Variants in MOK observed in about 807,000 individuals in gnomAD.
MOK encodes MOK protein kinase.
A neutral mutation model predicts 54.2 loss-of-function variants in MOK; 59 were observed. The observed-to-expected ratio is 1.09, with a 90% confidence interval of 0.88 to 1.35. The LOEUF (loss-of-function observed/expected upper bound fraction) is 1.35, where lower values mean the gene tolerates loss of function less well. Ranked by LOEUF, MOK falls within the 40% of genes most tolerant of loss-of-function variation. MOK has a pLI of 0.00. For missense variants in MOK, 517 were observed against 526.2 expected (o/e 0.98, Z 0.17); for synonymous variants, 210 against 202.7 (o/e 1.04, Z -0.31).
intron 1 of MOK, among the ~76,000 whole-genome samples, chr14:102,290,025 C>A (rs1050630894): frequency 6.6e-6 from 1 of 152,082 alleles, no homozygotes; most frequent in African/African-American, 2.4e-5. Flanking sequence ...AAACAGGTCT[C>A]CACCCTATTT....
intron 4 of MOK, chr14:102,260,672 C>A (rs1314692789): frequency 6.6e-6 from 1 of 152,036 alleles, no homozygotes; most frequent in Non-Finnish European, 1.5e-5. Flanking sequence ...CACTGCCTGG[C>A]CTATGGAAGA....
In MOK at chr14:102,270,572, G is replaced by T. The variant is rs2068272653; in HGVS notation, c.123-4660C>A. 2.0e-5 allele frequency among the ~76,000 whole-genome samples: 3 copies of T among 151,822 alleles called. 1 individual carries two copies. The highest frequency in any genetic ancestry group is 2.0e-4 in the Admixed American group (3 of 15,212). ...GGCGAGATTGTGCCATTGCACTCCA[G>T]CCTGGGCAAGAGCAAGACTCCATCT... On this transcript the variant is annotated intron_variant, in intron 2 of 11. Coordinates refer to ENST00000361847, the MANE Select transcript of MOK (RefSeq NM_014226.3).
At position 102,230,132 on chromosome 14, in the gene MOK, TTCCTAGGCTCAGGCGA is replaced by T; in HGVS notation, c.982-491_982-476del. On this transcript the variant is annotated intron_variant, in intron 10 of 11. Coordinates refer to ENST00000361847, the MANE Select transcript of MOK (RefSeq NM_014226.3). This position sits in a 1 kb window ranked among gnomAD's most constrained non-coding sequence, Gnocchi z 4.1. ...AATCTTGGCTCACTGTAGCCTCAGC[TTCCTAGGCTCAGGCGA>T]TCCTCCTGCCTCAGCCTCCCAAGTA... is the stretch of plus-strand genomic sequence containing the variant. 1 of 157,526 alleles carries T rather than the reference TTCCTAGGCTCAGGCGA, an allele frequency of 6.3e-6. No homozygotes were observed. The highest frequency in any genetic ancestry group is 1.4e-5 in the Non-Finnish European group (1 of 71,286). The allele number at this position is 157,526 out of a possible 1,614,324, so 9.8% of individuals were successfully genotyped here.
In MOK at chr14:102,232,967, T is replaced by C; in HGVS notation, c.693-259A>G. 3.3e-6 allele frequency: 1 copy of C among 305,494 alleles called. No homozygotes were observed. The highest frequency in any genetic ancestry group is 6.0e-6 in the Non-Finnish European group (1 of 167,794). 18.9% of individuals were successfully genotyped at this position (305,494 alleles called of 1,614,324 possible). The stretch of plus-strand genomic sequence containing the variant: ...GGCAGGTGCTGACGACAGGGGAGGC[T>C]GTGTGCACATGGGGACAGGGCTCTA... On this transcript the variant is annotated intron_variant, in intron 8 of 11. Transcript: ENST00000361847. This position sits in a 1 kb window ranked among gnomAD's most constrained non-coding sequence, Gnocchi z 5.1.
downstream of MOK, chr14:102,224,902 T>G (rs116779919): frequency 9.5e-6 from 4 of 421,618 alleles, no homozygotes; most frequent in Non-Finnish European, 1.9e-5. Flanking sequence ...AAATAAGATA[T>G]TAGCATGTTT....
At chr14:102,261,419 A>ATG (rs2067437645) in intron 4 of MOK, among the ~76,000 whole-genome samples, 1 of 11,380 alleles carries the variant, frequency 8.8e-5, no homozygotes, top group African/African-American at 2.9e-4. Context: ...AAAAAAAAAA[A>ATG]TATATATATA....
chr14:102,273,201 G>A (rs1344151681), intron 2 of MOK, among the ~76,000 whole-genome samples: 1 of 148,328 alleles, frequency 6.7e-6, no homozygotes, highest in Non-Finnish European at 1.5e-5. Flanking sequence ...TGGGAAAGAA[G>A]AGTAAAACTG....
chr14:102,248,345 T>C (rs1322236040), intron 7 of MOK, among the ~76,000 whole-genome samples: 1 of 151,806 alleles, frequency 6.6e-6, no homozygotes, highest in Non-Finnish European at 1.5e-5. Flanking sequence ...AAACCCCAAT[T>C]ACAAACCATC....
At chr14:102,233,607 G>A in intron 8 of MOK, 81 bp downstream of exon 8, 2 of 1,242,350 alleles carry the variant, frequency 1.6e-6, no homozygotes, top group South Asian at 1.3e-5. Flanking sequence ...GGGTTTGAGG[G>A]AGGCACAGGG....
At chr14:102,225,950 A>C (rs907791723), downstream of MOK, 1 of 257,526 alleles carries the variant, frequency 3.9e-6, no homozygotes, top group Non-Finnish European at 7.5e-6. Context: ...GGCGTTGGAG[A>C]ATGCACGGGG....
chr14:102,242,623 A>G (rs1198460209), intron 7 of MOK, among the ~76,000 whole-genome samples: 1 of 152,098 alleles, frequency 6.6e-6, no homozygotes, highest in Non-Finnish European at 1.5e-5. Flanking sequence ...GTACACTTTA[A>G]AAGGATTAAA....
chr14:102,231,553 G>A lies in MOK; in HGVS notation c.981+154C>T. 1.6e-6 allele frequency: 1 copy of A among 643,274 alleles called. No individual in the cohort carries two copies. The highest frequency in any genetic ancestry group is 2.8e-6 in the Non-Finnish European group (1 of 359,970). The allele number at this position is 643,274 out of a possible 1,614,324, so 39.8% of individuals were successfully genotyped here. ...GGGGTCCCTGATGTCCCAACACATG[G>A]AGCCATCAACTCGCATGCTGTTCAG... On this transcript the variant is annotated intron_variant, in intron 10 of 11. Coordinates refer to ENST00000361847, the MANE Select transcript of MOK (RefSeq NM_014226.3). The surrounding 1 kb of genome is among the most constrained non-coding windows in gnomAD (Gnocchi z 4.4).
At chr14:102,251,019 A>T (rs775978301) in intron 6 of MOK, 29 bp from the exon 7 acceptor site, 1 of 1,609,910 alleles carries the variant, frequency 6.2e-7, no homozygotes, top group Non-Finnish European at 8.5e-7. Context: ...AAGGACAAGT[A>T]ACATCCCATT....
the MOK span, among the ~76,000 whole-genome samples, chr14:102,216,138 C>G: frequency 6.6e-6 from 1 of 152,208 alleles, no homozygotes; most frequent in African/African-American, 2.4e-5. Context: ...GGTGCTGTCT[C>G]TGGAGTGCGG....
chr14:102,216,177 T>C, the MOK span, among the ~76,000 whole-genome samples: 17 of 152,326 alleles, frequency 1.1e-4, no homozygotes, highest in African/African-American at 4.1e-4. Flanking sequence ...TGCTGAACTA[T>C]CTGCACTTTT....
At chr14:102,294,794 G>C (rs1462318767) in intron 1 of MOK, among the ~76,000 whole-genome samples, 1 of 152,106 alleles carries the variant, frequency 6.6e-6, no homozygotes, top group South Asian at 2.1e-4. Context: ...GGTCAACTGT[G>C]AACTGTAAAG....
chr14:102,281,357 C>T (rs1200863593), intron 2 of MOK, among the ~76,000 whole-genome samples: 1 of 151,140 alleles, frequency 6.6e-6, no homozygotes, highest in African/African-American at 2.4e-5. Flanking sequence ...ATTATCTAGG[C>T]ATTTGGTGGC....
chr14:102,227,117 G>A (rs1313526907), downstream of MOK, among the ~76,000 whole-genome samples: 1 of 152,172 alleles, frequency 6.6e-6, no homozygotes, highest in African/African-American at 2.4e-5. Context: ...ACCGGCATCT[G>A]CAGACCACAT....
chr14:102,224,653 G>C, downstream of MOK: 1 of 455,956 alleles, frequency 2.2e-6, no homozygotes, highest in Non-Finnish European at 4.4e-6. Flanking sequence ...ATGCAGCCAC[G>C]GAAAACTTCA....
Sources: allele counts gnomAD v4.1 joint callset (sites outside exome capture counted in the v4.1 genomes callset), GRCh38; gene constraint gnomAD v4.1.1; non-coding constraint Gnocchi (gnomAD v3.1); transcripts MANE v1.5; gene names NCBI Gene and HGNC (gene_info 2026-07-23, HGNC 2026-07-21).